Variants in PXDNL observed in about 807,000 individuals in gnomAD.
The protein encoded by PXDNL is peroxidasin like, also known as probable oxidoreductase PXDNL.
In PXDNL, 145 loss-of-function variants were observed where a neutral mutation model predicts 150.8. The ratio of observed to expected loss-of-function variants is 0.96; its 90% CI spans 0.84 to 1.10. The LOEUF is 1.10. Ranked by LOEUF, PXDNL falls within the 50% of genes least tolerant of loss-of-function variation. The probability of loss-of-function intolerance (pLI) is 0.00; values close to 1 mark genes in which losing one functional copy is unlikely to be tolerated. For synonymous variants in PXDNL, 757 were observed against 725.7 expected, an observed-to-expected ratio of 1.04 and a Z score of -0.69; for missense variants, 2,087 against 1,873.9, an observed-to-expected ratio of 1.11 and a Z score of -2.10.
chr8:51,766,418 G>T, intron 1 of PXDNL, among the ~76,000 whole-genome samples: 1 of 152,174 alleles, frequency 6.6e-6, no homozygotes, highest in East Asian at 1.9e-4. Flanking sequence ...TACCTATGTA[G>T]TATACTTTGC....
chr8:51,453,423 T>A lies in PXDNL; in HGVS notation c.1249+96A>T, dbSNP rs1809852746. The A allele has an allele frequency of 4.1e-6, 5 of 1,215,888 alleles. No homozygotes were observed. In the Admixed American group the frequency reaches 1.1e-4, roughly 28 times the overall value. 75.3% of individuals were successfully genotyped at this position (1,215,888 alleles called of 1,614,324 possible). On this transcript the variant is annotated intron_variant, in intron 10 of 22. Coordinates refer to ENST00000356297, the MANE Select transcript of PXDNL (RefSeq NM_144651.5). ...AAAAAATAATTGGCAAATAAAAATATTTCTCCACTGATGTACATGACATTA... is the reference window on the plus strand; with the variant it reads ...AAAAAATAATTGGCAAATAAAAATAATTCTCCACTGATGTACATGACATTA...
At chr8:51,358,125 AAAT>A (rs749619525) in intron 19 of PXDNL, among the ~76,000 whole-genome samples, 146 of 152,346 alleles carry the variant, frequency 9.6e-4, no homozygotes, top group Non-Finnish European at 1.8e-3. Context: ...AAAAATGACC[AAAT>A]AGAAACCTAT....
chr8:51,375,287 C>A (rs1470156453), intron 17 of PXDNL, among the ~76,000 whole-genome samples: 1 of 152,078 alleles, frequency 6.6e-6, no homozygotes, highest in African/African-American at 2.4e-5. Flanking sequence ...AAACAACAAA[C>A]AAACAAAAAA....
intron 1 of PXDNL, among the ~76,000 whole-genome samples, chr8:51,675,957 T>C (rs1815613306): frequency 6.6e-6 from 1 of 152,118 alleles, no homozygotes; most frequent in Non-Finnish European, 1.5e-5. Flanking sequence ...ACCCATTACA[T>C]CTCTTACAAT....
In PXDNL at chr8:51,423,388, C is replaced by T. The variant is rs370220297; in HGVS notation, c.1795+187G>A. On this transcript the variant is annotated intron_variant, in intron 14 of 22. Coordinates refer to ENST00000356297, the MANE Select transcript of PXDNL (RefSeq NM_144651.5). ...TAATTTGTTATTTTTCACTTTATAT[C>T]CTTTAAGATTGTTTATATTTAAATT... Among the ~76,000 whole-genome samples, 509 of 151,976 alleles carry T rather than the reference C, an allele frequency of 3.3e-3. 1 individual carries two copies. Among genetic ancestry groups the T allele is most frequent in the South Asian group, 5.8e-3 (28 of 4,800 alleles).
At chr8:51,378,874 A>C (rs1044645124) in intron 17 of PXDNL, among the ~76,000 whole-genome samples, 1 of 152,186 alleles carries the variant, frequency 6.6e-6, no homozygotes, top group Non-Finnish European at 1.5e-5. Context: ...AGAAGGAACA[A>C]ACTCTGGACA....
chr8:51,427,093 G>A (rs545273034), intron 12 of PXDNL, among the ~76,000 whole-genome samples: 21 of 152,094 alleles, frequency 1.4e-4, no homozygotes, highest in African/African-American at 5.1e-4. Flanking sequence ...AAAACTATAC[G>A]GTAACATCAA....
At chr8:51,557,409 T>G (rs908746583) in intron 3 of PXDNL, among the ~76,000 whole-genome samples, 4 of 152,114 alleles carry the variant, frequency 2.6e-5, no homozygotes, top group African/African-American at 9.7e-5. Context: ...ATAAATGGAT[T>G]TATAAATACG....
At chr8:51,689,752 G>A (rs922917668) in intron 1 of PXDNL, among the ~76,000 whole-genome samples, 1 of 152,184 alleles carries the variant, frequency 6.6e-6, no homozygotes, top group Non-Finnish European at 1.5e-5. Flanking sequence ...AAATAACATA[G>A]AGAGGAGCAT....
chr8:51,591,426 A>G (rs1237569653), intron 3 of PXDNL, among the ~76,000 whole-genome samples: 1 of 150,648 alleles, frequency 6.6e-6, no homozygotes, highest in African/African-American at 2.4e-5. Flanking sequence ...AGCTGAACAC[A>G]GGAGGCTTTG....
chr8:51,715,643 T>A (rs537554897), intron 1 of PXDNL, among the ~76,000 whole-genome samples: 1 of 152,150 alleles, frequency 6.6e-6, no homozygotes, highest in East Asian at 1.9e-4. Context: ...ACCTGCCATA[T>A]GAGGAGGTCT....
intron 17 of PXDNL, among the ~76,000 whole-genome samples, chr8:51,401,662 G>A (rs938163574): frequency 1.3e-5 from 2 of 152,174 alleles, no homozygotes; most frequent in East Asian, 1.9e-4. Flanking sequence ...AGATGCCAGC[G>A]AGGAAGAGAC....
At chr8:51,767,565 A>G (rs1041132523) in intron 1 of PXDNL, among the ~76,000 whole-genome samples, 1 of 152,176 alleles carries the variant, frequency 6.6e-6, no homozygotes, top group African/African-American at 2.4e-5. Flanking sequence ...GTCCTGAGGC[A>G]TGCCTTCAAC....
intron 1 of PXDNL, among the ~76,000 whole-genome samples, chr8:51,789,285 A>G (rs1056298948): frequency 3.9e-5 from 6 of 152,034 alleles, no homozygotes; most frequent in African/African-American, 1.5e-4. Context: ...ATATATAAGA[A>G]TATTTCTAGA....
intron 9 of PXDNL, among the ~76,000 whole-genome samples, 153 bp downstream of exon 9, chr8:51,457,345 A>G (rs1010624607): frequency 2.0e-5 from 3 of 152,244 alleles, no homozygotes; most frequent in African/African-American, 7.2e-5. Context: ...ATAAACTTCA[A>G]GAGAAAAAAA....
At chr8:51,770,610 A>C (rs929561520) in intron 1 of PXDNL, among the ~76,000 whole-genome samples, 18 of 152,212 alleles carry the variant, frequency 1.2e-4, no homozygotes, top group African/African-American at 4.3e-4. Flanking sequence ...ATCAGAATGC[A>C]CAGGCCTTCG....
At chr8:51,745,200 T>C (rs1055388800) in intron 1 of PXDNL, among the ~76,000 whole-genome samples, 1 of 152,148 alleles carries the variant, frequency 6.6e-6, no homozygotes, top group African/African-American at 2.4e-5. Flanking sequence ...AACTTAAATA[T>C]AAAACCGGCT....
chr8:51,613,490 G>GT (rs5891423), intron 2 of PXDNL, among the ~76,000 whole-genome samples: 61,311 of 123,288 alleles, frequency 0.5, 18,403 homozygotes, highest in Non-Finnish European at 0.66. Flanking sequence ...GGGGCGGGGG[G>GT]GGGGCAGGGC....
At chr8:51,643,174 T>G (rs528253114) in intron 2 of PXDNL, among the ~76,000 whole-genome samples, 1 of 152,108 alleles carries the variant, frequency 6.6e-6, no homozygotes, top group Non-Finnish European at 1.5e-5. Flanking sequence ...ACTTTCTTCA[T>G]AGAATTGGAA....
Sources: allele counts gnomAD v4.1 joint callset (sites outside exome capture counted in the v4.1 genomes callset), GRCh38; gene constraint gnomAD v4.1.1; transcripts MANE v1.5; gene names NCBI Gene and HGNC (gene_info 2026-07-23, HGNC 2026-07-21).